MRTFA: variants seen among roughly 807,000 people sequenced by gnomAD.
MRTFA encodes the protein myocardin related transcription factor A.
A neutral mutation model predicts 83.5 loss-of-function variants in MRTFA; 20 were observed. The ratio of observed to expected loss-of-function variants is 0.24; its 90% CI spans 0.17 to 0.35. The LOEUF (loss-of-function observed/expected upper bound fraction) is 0.35, where lower values mean the gene tolerates loss of function less well. MRTFA is among the 10% of genes least tolerant of loss of function. The pLI is 1.00. For synonymous variants in MRTFA, 659 were observed against 541.2 expected (o/e 1.22, Z -3.02); for missense variants, 1,200 against 1,224.7 (o/e 0.98, Z 0.30).
At chr22:40,462,281 T>G (rs776322157) in intron 4 of MRTFA, among the ~76,000 whole-genome samples, 26 of 152,214 alleles carry the variant, frequency 1.7e-4, no homozygotes, top group Non-Finnish European at 3.1e-4. Context: ...GAGCAAGAGC[T>G]GGATTTATCT....
chr22:40,417,029 G>A lies in MRTFA; in HGVS notation c.2535C>T (p.Ser845=), dbSNP rs2052694713. 1 of 1,596,144 alleles carries A rather than the reference G, an allele frequency of 6.3e-7. No individual in the cohort carries two copies. The highest frequency in any genetic ancestry group is 2.2e-5 in the East Asian group (1 of 44,496). ...TGTCAAACAGGTCGTCCATCTGCTG[G>A]CTTGAGGAACCATTTTCCTGTGGGA... The change falls in exon 14 of 15, where the codon AGC becomes AGT. Residue 845 remains serine (S), a synonymous_variant. Coordinates refer to ENST00000355630, the MANE Select transcript of MRTFA (RefSeq NM_020831.6).
chr22:40,503,041 G>C (rs1459223662), intron 3 of MRTFA, among the ~76,000 whole-genome samples: 1 of 152,164 alleles, frequency 6.6e-6, no homozygotes, highest in African/African-American at 2.4e-5. Context: ...CCAGCAGCTA[G>C]TAAAGCTTCT....
At chr22:40,612,287 T>C (rs2056395669) in intron 1 of MRTFA, among the ~76,000 whole-genome samples, 1 of 152,194 alleles carries the variant, frequency 6.6e-6, no homozygotes, top group South Asian at 2.1e-4. Flanking sequence ...CTAAAATGAC[T>C]GCAGTTAGGA....
intron 1 of MRTFA, among the ~76,000 whole-genome samples, chr22:40,632,625 G>A (rs751194646): frequency 4.6e-5 from 7 of 151,994 alleles, no homozygotes; most frequent in Non-Finnish European, 8.8e-5. Flanking sequence ...TAGTAGCGAC[G>A]GGGTTTCCCC....
chr22:40,619,257 A>G (rs1365122292), intron 1 of MRTFA, among the ~76,000 whole-genome samples: 1 of 151,752 alleles, frequency 6.6e-6, no homozygotes, highest in Admixed American at 6.6e-5. Flanking sequence ...GCTCACAGGA[A>G]GTGAAAACTA....
intron 2 of MRTFA, among the ~76,000 whole-genome samples, chr22:40,575,215 A>G (rs560992330): frequency 8.0e-4 from 122 of 152,330 alleles, no homozygotes; most frequent in Non-Finnish European, 1.5e-3. Flanking sequence ...ACAGGTGTTC[A>G]ATAGATGTTA....
Position 40,459,333 on chromosome 22 carries a change from C to T in MRTFA, c.307+3888G>A, listed in dbSNP as rs150336303. Among the ~76,000 whole-genome samples, 7 of 151,382 alleles carry T rather than the reference C, an allele frequency of 4.6e-5. No homozygotes were observed. In the East Asian group the frequency reaches 1.2e-3, roughly 25 times the overall value. ...GGGACGTAAATGAGGAGGAAATTCA[C>T]ACCTGAAACTATTCCCAGTCCTCAA... is the stretch of plus-strand genomic sequence containing the variant. On this transcript the variant is annotated intron_variant, in intron 4 of 14. Coordinates refer to ENST00000355630, the MANE Select transcript of MRTFA (RefSeq NM_020831.6).
chr22:40,459,780 T>TACACACACAC (rs1490741833), intron 4 of MRTFA, among the ~76,000 whole-genome samples: 5 of 80,820 alleles, frequency 6.2e-5, no homozygotes, highest in Admixed American at 1.3e-4. Flanking sequence ...ACTGATAAAA[T>TACACACACAC]ATACACACAC....
intron 3 of MRTFA, among the ~76,000 whole-genome samples, chr22:40,476,519 G>A (rs571093450): frequency 2.0e-5 from 3 of 152,196 alleles, no homozygotes; most frequent in East Asian, 1.9e-4. Flanking sequence ...GAGCAGTGGT[G>A]CAATCTTGGC....
Position 40,454,838 on chromosome 22 carries a change from G to C in MRTFA, c.307+8383C>G, listed in dbSNP as rs148361523. 1.8e-3 allele frequency among the ~76,000 whole-genome samples: 276 copies of C among 152,314 alleles called. 2 individuals carry two copies. The highest frequency in any genetic ancestry group is 3.4e-3 in the Middle Eastern group (1 of 294). On this transcript the variant is annotated intron_variant, in intron 4 of 14. Coordinates refer to ENST00000355630, the MANE Select transcript of MRTFA (RefSeq NM_020831.6). ...AGACAGGGTCTTGCTCTGTCATCCA[G>C]GCTGGAGTGCAGTGGCATGAACACA...
rs6001964 is a variant in MRTFA, at chr22:40,560,069, A to C, written c.-21-7702T>G. Among the ~76,000 whole-genome samples, 1,140 of 152,318 alleles carry C rather than the reference A, an allele frequency of 7.5e-3. 27 individuals are homozygous for C. Among genetic ancestry groups the C allele is most frequent in the Middle Eastern group, 0.075 (22 of 294 alleles). On this transcript the variant is annotated intron_variant, in intron 2 of 14. Transcript: ENST00000355630. ...GGGGATTTCAAAAGTTTCAGGATAC[A>C]TCCTTTAAAACACCAATATTAAACT... is the stretch of plus-strand genomic sequence containing the variant.
At chr22:40,424,911 G>A (rs1269622709) in intron 7 of MRTFA, among the ~76,000 whole-genome samples, 1 of 152,196 alleles carries the variant, frequency 6.6e-6, no homozygotes. Context: ...GAATTCCCCA[G>A]AGGCCAGGAA....
At chr22:40,556,769 G>A (rs184023028) in intron 2 of MRTFA, among the ~76,000 whole-genome samples, 8 of 152,270 alleles carry the variant, frequency 5.3e-5, no homozygotes, top group Admixed American at 5.2e-4. Context: ...TGTTACACAG[G>A]ATTAATCCAT....
At chr22:40,580,276 A>G (rs759784582) in intron 2 of MRTFA, among the ~76,000 whole-genome samples, 2 of 151,998 alleles carry the variant, frequency 1.3e-5, no homozygotes, top group Non-Finnish European at 2.9e-5. Flanking sequence ...ATGGCTCACT[A>G]CAGCCTCAAA....
At chr22:40,499,914 C>CTTTTTTTTTTT (rs72041822) in intron 3 of MRTFA, among the ~76,000 whole-genome samples, 1 of 84,928 alleles carries the variant, frequency 1.2e-5, no homozygotes, top group Admixed American at 1.7e-4. Flanking sequence ...TCAAGTAGAC[C>CTTTTTTTTTTT]TTTTTTTTTT....
chr22:40,622,373 C>T (rs1257209082), intron 1 of MRTFA, among the ~76,000 whole-genome samples: 5 of 150,924 alleles, frequency 3.3e-5, no homozygotes, highest in Non-Finnish European at 7.4e-5. Context: ...CCCAGCTACT[C>T]GGGAGGCTGA....
intron 1 of MRTFA, among the ~76,000 whole-genome samples, chr22:40,624,928 A>T (rs569035232): frequency 6.6e-6 from 1 of 152,328 alleles, no homozygotes; most frequent in Non-Finnish European, 1.5e-5. Flanking sequence ...CATGCTACAG[A>T]GTGTCTGATC....
chr22:40,557,484 C>A (rs935751313), intron 2 of MRTFA, among the ~76,000 whole-genome samples: 1 of 152,048 alleles, frequency 6.6e-6, no homozygotes, highest in African/African-American at 2.4e-5. Flanking sequence ...AAAAGAGTGC[C>A]AGGTGGCCAG....
chr22:40,543,171 G>A (rs6001958), intron 3 of MRTFA, among the ~76,000 whole-genome samples: 18 of 152,094 alleles, frequency 1.2e-4, no homozygotes, highest in Non-Finnish European at 7.4e-5. Flanking sequence ...GAAAATCCTT[G>A]AAAACCATGC....
Sources: gnomAD v4.1 joint callset for allele counts (sites outside exome capture counted in the v4.1 genomes callset) on GRCh38, gnomAD v4.1.1 for gene constraint, MANE v1.5 for transcripts, NCBI Gene and HGNC (gene_info 2026-07-23, HGNC 2026-07-21) for gene names.